The following LRRIQ3 variants were observed in gnomAD, a reference collection of about 807,000 sequenced individuals.
LRRIQ3 encodes leucine rich repeats and IQ motif containing 3.
In LRRIQ3, 75 loss-of-function variants were observed where a neutral mutation model predicts 59.3. The ratio of observed to expected loss-of-function variants is 1.26; its 90% CI spans 1.05 to 1.53. LRRIQ3 has a LOEUF of 1.53. Ranked by LOEUF, LRRIQ3 falls within the 40% of genes most tolerant of loss-of-function variation. LRRIQ3 has a pLI of 0.00. For missense variants in LRRIQ3, 831 were observed against 710.0 expected (o/e 1.17, Z -1.94); for synonymous variants, 250 against 231.3 (o/e 1.08, Z -0.73).
At chr1:74,031,649 T>C (rs1189543132) in intron 7 of LRRIQ3, among the ~76,000 whole-genome samples, 3 of 150,730 alleles carry the variant, frequency 2.0e-5, no homozygotes, top group South Asian at 2.1e-4. Flanking sequence ...CATTAGGAGA[T>C]ATACCTAATG....
intron 3 of LRRIQ3, among the ~76,000 whole-genome samples, chr1:74,158,284 T>C (rs1429022429): frequency 1.3e-5 from 2 of 152,100 alleles, no homozygotes; most frequent in African/African-American, 4.8e-5. Flanking sequence ...AAAATGTAAA[T>C]CTTATCATAT....
intron 6 of LRRIQ3, among the ~76,000 whole-genome samples, chr1:74,072,025 T>C (rs964728205): frequency 1.3e-5 from 2 of 152,146 alleles, no homozygotes; most frequent in Admixed American, 6.6e-5. Context: ...AGAAAATACA[T>C]AGAATAACAT....
Position 74,041,379 on chromosome 1 carries a change from C to T in LRRIQ3, c.1552G>A (p.Val518Ile), listed in dbSNP as rs1166542325. 3 of 1,613,786 alleles carry T rather than the reference C, an allele frequency of 1.9e-6. No individual in the cohort carries two copies. The highest frequency in any genetic ancestry group is 1.1e-5 in the South Asian group (1 of 91,054). Residue 518 changes from valine to isoleucine, a missense_variant, in exon 7 of 8, where the codon GTT (valine) becomes ATT (isoleucine). Transcript: ENST00000354431. Reference sequence around the variant, plus strand: ...GTGCGCTCATTATTTAAGTTTTGAACTAATAAACGCTCTGAAGCCTTTTGG... The same window carrying T: ...GTGCGCTCATTATTTAAGTTTTGAATTAATAAACGCTCTGAAGCCTTTTGG... ...KSQKASERLL[V>I]QNLNNERTLL...
chr1:74,052,079 G>A (rs1040877337), intron 6 of LRRIQ3, among the ~76,000 whole-genome samples: 4 of 152,022 alleles, frequency 2.6e-5, no homozygotes, highest in African/African-American at 9.7e-5. Flanking sequence ...TAAGGATCAT[G>A]ACGCTTCAAT....
At chr1:74,136,491 C>T (rs538873001) in intron 4 of LRRIQ3, among the ~76,000 whole-genome samples, 21 of 151,770 alleles carry the variant, frequency 1.4e-4, no homozygotes, top group East Asian at 5.8e-4. Context: ...AGCAGCTTAA[C>T]GGCAATTTCA....
intron 4 of LRRIQ3, among the ~76,000 whole-genome samples, chr1:74,112,767 A>C (rs1646718416): frequency 6.6e-6 from 1 of 152,168 alleles, no homozygotes; most frequent in Non-Finnish European, 1.5e-5. Flanking sequence ...TGCACAATGC[A>C]GGGAAAATAG....
chr1:74,140,947 T>C lies in LRRIQ3; in HGVS notation c.707+14786A>G, dbSNP rs1400589788. Among the ~76,000 whole-genome samples, 3 of 151,844 alleles carry C rather than the reference T, an allele frequency of 2.0e-5. 1 individual carries two copies. The South Asian group carries it at 6.2e-4, about 31-fold the overall frequency. On this transcript the variant is annotated intron_variant, in intron 4 of 7. Coordinates refer to ENST00000354431, the MANE Select transcript of LRRIQ3 (RefSeq NM_001105659.2). Reference sequence around the variant, plus strand: ...TTTTAAATTTTTGAAAAAATTCATGTAATATAAGGTCTATGAAGTCTTTCT... The same window carrying C: ...TTTTAAATTTTTGAAAAAATTCATGCAATATAAGGTCTATGAAGTCTTTCT...
At chr1:74,116,876 T>G (rs1646783725) in intron 4 of LRRIQ3, among the ~76,000 whole-genome samples, 1 of 152,046 alleles carries the variant, frequency 6.6e-6, no homozygotes, top group Non-Finnish European at 1.5e-5. Flanking sequence ...AGAGCCAAAC[T>G]TATAAAGACC....
chr1:74,182,370 T>A (rs1650032449), intron 3 of LRRIQ3, 168 bp downstream of exon 3: 1 of 380,758 alleles, frequency 2.6e-6, no homozygotes, highest in African/African-American at 2.1e-5. Flanking sequence ...CAAACTTTTA[T>A]CAAGTTTCAG....
In LRRIQ3 at chr1:74,050,828, A is replaced by C. The variant is rs150428813; in HGVS notation, c.998-8895T>G. 4.8e-3 allele frequency among the ~76,000 whole-genome samples: 737 copies of C among 152,338 alleles called. 20 individuals are homozygous for C. Among genetic ancestry groups the C allele is most frequent in the Admixed American group, 0.041 (624 of 15,290 alleles). ...CGTACTGAGTTCTTCCTGATTTGCT[A>C]GATGCAAAAAGTTCACTTATAGCAA... On this transcript the variant is annotated intron_variant, in intron 6 of 7. Coordinates refer to ENST00000354431, the MANE Select transcript of LRRIQ3 (RefSeq NM_001105659.2).
chr1:74,161,676 G>T (rs1648668804), intron 3 of LRRIQ3, among the ~76,000 whole-genome samples: 1 of 151,836 alleles, frequency 6.6e-6, no homozygotes, highest in African/African-American at 2.4e-5. Flanking sequence ...AGCTCATATT[G>T]CAGTTTACAT....
At chr1:74,086,288 C>T (rs1040382952) in intron 5 of LRRIQ3, among the ~76,000 whole-genome samples, 1 of 152,060 alleles carries the variant, frequency 6.6e-6, no homozygotes, top group African/African-American at 2.4e-5. Flanking sequence ...TCCGAGTTTT[C>T]TTCTTAAGAC....
chr1:74,110,975 A>T (rs1478167910), intron 4 of LRRIQ3, among the ~76,000 whole-genome samples: 1 of 152,022 alleles, frequency 6.6e-6, no homozygotes, highest in Non-Finnish European at 1.5e-5. Context: ...CGTGAAAACA[A>T]AGGGGGAGCA....
chr1:74,151,007 C>CT (rs1557641492), intron 4 of LRRIQ3, among the ~76,000 whole-genome samples: 1 of 118,816 alleles, frequency 8.4e-6, no homozygotes, highest in Admixed American at 1.0e-4. Context: ...TTGAATGATG[C>CT]TTTCTTTTTT....
At chr1:74,109,601 A>G (rs774103639) in intron 4 of LRRIQ3, 48 bp from the exon 5 acceptor site, 1 of 1,466,172 alleles carries the variant, frequency 6.8e-7, no homozygotes, top group Non-Finnish European at 9.1e-7. Context: ...TTTGCCATTA[A>G]AAAACATGAA....
At chr1:74,146,975 C>A (rs993630055) in intron 4 of LRRIQ3, among the ~76,000 whole-genome samples, 9 of 152,190 alleles carry the variant, frequency 5.9e-5, no homozygotes, top group Non-Finnish European at 1.0e-4. Context: ...TACTTGTAAT[C>A]CCAGCACTTT....
rs371034591 is a variant in LRRIQ3 at position 74,078,266 on chromosome 1, T to C, written c.868-3476A>G. On this transcript the variant is annotated intron_variant, in intron 5 of 7. Coordinates refer to ENST00000354431, the MANE Select transcript of LRRIQ3 (RefSeq NM_001105659.2). ...AGCTGAAGGGAGGTATCTAATGTCA[T>C]GATACATGGTTCTGTTTTCAGCTCC... is the stretch of plus-strand genomic sequence containing the variant. Among the ~76,000 whole-genome samples, 5 of 151,970 alleles carry C rather than the reference T, an allele frequency of 3.3e-5. No individual in the cohort carries two copies. In the East Asian group the frequency reaches 9.7e-4, roughly 29 times the overall value.
chr1:74,158,154 CTA>C (rs1648451269), intron 3 of LRRIQ3, among the ~76,000 whole-genome samples: 1 of 152,002 alleles, frequency 6.6e-6, no homozygotes, highest in Non-Finnish European at 1.5e-5. Flanking sequence ...ATTGCTTTTC[CTA>C]TGTCTTTAAC....
chr1:74,114,349 A>G (rs1452271925), intron 4 of LRRIQ3, among the ~76,000 whole-genome samples: 2 of 152,100 alleles, frequency 1.3e-5, no homozygotes, highest in African/African-American at 4.8e-5. Flanking sequence ...AAAAGTGGGG[A>G]AAGGGAATAA....
Sources: allele counts gnomAD v4.1 joint callset (sites outside exome capture counted in the v4.1 genomes callset), GRCh38; gene constraint gnomAD v4.1.1; transcripts MANE v1.5; gene names NCBI Gene and HGNC (gene_info 2026-07-23, HGNC 2026-07-21).